Variants in FNIP1 observed in about 807,000 individuals in gnomAD.
The protein encoded by FNIP1 is folliculin-interacting protein 1.
FNIP1 carries 40 observed loss-of-function variants against 124.5 expected under a neutral mutation model. The ratio of observed to expected loss-of-function variants is 0.32; its 90% CI spans 0.25 to 0.42. The LOEUF is 0.42. Ranked by LOEUF, FNIP1 falls within the 10% of genes least tolerant of loss-of-function variation. The pLI is 1.00. For synonymous variants in FNIP1, 472 were observed against 470.6 expected (o/e 1.00, Z -0.04); for missense variants, 1,176 against 1,403.7 (o/e 0.84, Z 2.59).
chr5:131,747,374 T>C (rs1349373662), intron 1 of FNIP1, among the ~76,000 whole-genome samples: 2 of 152,198 alleles, frequency 1.3e-5, no homozygotes, highest in Admixed American at 6.5e-5. Context: ...GTCTAATCTT[T>C]AGTAAATGTC....
intron 13 of FNIP1, among the ~76,000 whole-genome samples, chr5:131,676,538 G>A (rs115235943): frequency 0.015 from 2,265 of 152,072 alleles, 71 homozygotes; most frequent in African/African-American, 0.052. Context: ...TGAGCAGATC[G>A]CTTGAGTCTG....
chr5:131,655,492 C>A (rs1039368717), intron 15 of FNIP1, among the ~76,000 whole-genome samples: 1 of 152,048 alleles, frequency 6.6e-6, no homozygotes, highest in Non-Finnish European at 1.5e-5. Flanking sequence ...GAAATGTTAA[C>A]AAATGTATAG....
At position 131,647,209 on chromosome 5, in the gene FNIP1, C is replaced by A; in HGVS notation, c.3307-4G>T. On this transcript the variant is annotated splice_polypyrimidine_tract_variant and splice_region_variant and intron_variant, in intron 16 of 17. Transcript: ENST00000510461. ...GGTCTTCAAGATGCATTACACACTG[C>A]AGTTAGGGAGGAACCAAGAACCAGG... 6.2e-7 allele frequency: 1 copy of A among 1,610,510 alleles called. No homozygotes were observed. The highest frequency in any genetic ancestry group is 1.1e-5 in the South Asian group (1 of 90,996).
At chr5:131,795,936 T>C (rs897706918) in intron 1 of FNIP1, 3 of 152,246 alleles carry the variant, frequency 2.0e-5, no homozygotes, top group Admixed American at 2.0e-4. Flanking sequence ...GCAATACGTA[T>C]AAAGGCTGTT....
At chr5:131,751,381 G>C (rs897458542) in intron 1 of FNIP1, among the ~76,000 whole-genome samples, 2 of 151,860 alleles carry the variant, frequency 1.3e-5, no homozygotes, top group Non-Finnish European at 2.9e-5. Context: ...ATCTTCATCA[G>C]ATTGTCTTGT....
intron 14 of FNIP1, 134 bp from the exon 15 acceptor site, chr5:131,670,765 T>C (rs944136544): frequency 3.8e-5 from 21 of 551,650 alleles, no homozygotes; most frequent in African/African-American, 3.1e-4. Flanking sequence ...AAATCATCCT[T>C]ATATAATGGT....
At chr5:131,678,017 G>C in intron 12 of FNIP1, 145 bp from the exon 13 acceptor site, 2 of 637,448 alleles carry the variant, frequency 3.1e-6, no homozygotes, top group Non-Finnish European at 5.1e-6. Flanking sequence ...GAAAGGATGA[G>C]TATATAACAC....
At chr5:131,795,525 A>G (rs1307477616) in intron 1 of FNIP1, 2 of 152,230 alleles carry the variant, frequency 1.3e-5, no homozygotes, top group Non-Finnish European at 2.9e-5. Flanking sequence ...TTGAGTTACT[A>G]GATGGCTCAA....
At chr5:131,781,881 G>C (rs1474974918) in intron 1 of FNIP1, among the ~76,000 whole-genome samples, 2 of 152,150 alleles carry the variant, frequency 1.3e-5, no homozygotes, top group Non-Finnish European at 2.9e-5. Flanking sequence ...TTTAGGGCCA[G>C]GTGTGGTGGC....
chr5:131,642,978 T>C lies in FNIP1; in HGVS notation c.*1707A>G, dbSNP rs1766762525. On this transcript the variant is annotated 3_prime_UTR_variant, in exon 18 of 18. Transcript: ENST00000510461. Reference sequence around the variant, plus strand: ...TCATAGAATTCCAAAATCAGACAACTGGATAATTTTGTTAATGCACAGAAT... The same window carrying C: ...TCATAGAATTCCAAAATCAGACAACCGGATAATTTTGTTAATGCACAGAAT... 6.6e-6 allele frequency: 1 copy of C among 151,758 alleles called. No individual in the cohort carries two copies. Among genetic ancestry groups the C allele is most frequent in the Non-Finnish European group, 1.5e-5 (1 of 67,970 alleles). The allele number at this position is 151,758 out of a possible 1,614,324, so 9.4% of individuals were successfully genotyped here.
chr5:131,739,499 AT>A (rs1178266824), intron 2 of FNIP1, among the ~76,000 whole-genome samples: 3 of 152,108 alleles, frequency 2.0e-5, no homozygotes, highest in Non-Finnish European at 1.5e-5. Context: ...CCATTAGTCT[AT>A]TGCCTATTTA....
At chr5:131,792,222 G>A (rs180994641) in intron 1 of FNIP1, among the ~76,000 whole-genome samples, 14 of 149,826 alleles carry the variant, frequency 9.3e-5, no homozygotes, top group East Asian at 3.9e-4. Context: ...GTGCAATGGC[G>A]CGATCTCAGC....
chr5:131,672,145 G>C lies in FNIP1; in HGVS notation c.2299C>G (p.Leu767Val), dbSNP rs770547373. The change falls in exon 14 of 18, where the codon CTT becomes GTT. Residue 767 changes from leucine to valine, a missense_variant. Leu to Val is a conservative substitution (Grantham distance 32, BLOSUM62 1). This residue lies in a region of FNIP1 where 1,109 missense variants were observed against 1,288.5 expected (regional missense o/e 0.86). Transcript: ENST00000510461. ...DSMSPDSDTE[L>V]RSQAVVDQIT... ...TGATCCACCACTGCCTGACTTCGAA[G>C]CTCAGTATCTGAATCAGGTGACATA... 3.1e-6 allele frequency: 5 copies of C among 1,614,034 alleles called. No homozygotes were observed. Among genetic ancestry groups the C allele is most frequent in the Admixed American group, 3.3e-5 (2 of 60,000 alleles).
chr5:131,659,706 C>CAGG (rs776605587), intron 15 of FNIP1, among the ~76,000 whole-genome samples: 74 of 152,204 alleles, frequency 4.9e-4, no homozygotes, highest in Non-Finnish European at 8.8e-4. Context: ...GACAACATGG[C>CAGG]CTGGATGGCC....
intron 13 of FNIP1, among the ~76,000 whole-genome samples, chr5:131,674,586 C>T (rs914533945): frequency 1.6e-4 from 25 of 151,876 alleles, no homozygotes; most frequent in East Asian, 5.8e-4. Context: ...GGCATGGTGG[C>T]GCGCACCTGT....
intron 15 of FNIP1, among the ~76,000 whole-genome samples, chr5:131,663,624 G>A: frequency 6.6e-6 from 1 of 152,202 alleles, no homozygotes; most frequent in Non-Finnish European, 1.5e-5. Context: ...ATGCTTTAAG[G>A]TGATAAACTG....
intron 1 of FNIP1, among the ~76,000 whole-genome samples, chr5:131,752,811 T>C (rs557870285): frequency 4.1e-4 from 62 of 152,332 alleles, no homozygotes; most frequent in Non-Finnish European, 7.3e-4. Context: ...CTCACGCCTG[T>C]AATCCCAGCA....
chr5:131,793,637 C>A (rs965674964), intron 1 of FNIP1, among the ~76,000 whole-genome samples: 3 of 152,126 alleles, frequency 2.0e-5, no homozygotes, highest in African/African-American at 7.2e-5. Context: ...CCATCTCTTC[C>A]AATGGGGTAA....
intron 3 of FNIP1, among the ~76,000 whole-genome samples, chr5:131,720,031 A>G (rs1036709890): frequency 6.6e-6 from 1 of 152,190 alleles, no homozygotes; most frequent in Non-Finnish European, 1.5e-5. Flanking sequence ...CTTCTTCAAG[A>G]AGCAGCAGCC....
Sources: gnomAD v4.1 joint callset for allele counts (sites outside exome capture counted in the v4.1 genomes callset) on GRCh38, gnomAD v4.1.1 for gene constraint, gnomAD v4.1.1 regional missense constraint, MANE v1.5 for transcripts, NCBI Gene and HGNC (gene_info 2026-07-23, HGNC 2026-07-21) for gene names.